DCPS: variants seen among roughly 807,000 people sequenced by gnomAD.
DCPS encodes decapping enzyme, scavenger.
Under a neutral mutation model 34.7 loss-of-function variants are expected in DCPS, and 27 were observed. The observed-to-expected ratio is 0.78, with a 90% CI of 0.57 to 1.07. The LOEUF (loss-of-function observed/expected upper bound fraction) is 1.07, where lower values mean the gene tolerates loss of function less well. DCPS is among the 50% of genes least tolerant of loss of function. DCPS has a pLI of 0.00. For synonymous variants in DCPS, 185 were observed against 185.7 expected, an observed-to-expected ratio of 1.00 and a Z score of 0.03; for missense variants, 464 against 436.9, an observed-to-expected ratio of 1.06 and a Z score of -0.55.
At position 126,328,099 on chromosome 11, in the gene DCPS, C is replaced by T. The variant is rs1951754163; in HGVS notation, c.377-3306C>T. On this transcript the variant is annotated intron_variant, in intron 2 of 5. Transcript: ENST00000263579. The surrounding 1 kb of genome is among the most constrained non-coding windows in gnomAD (Gnocchi z 6.6). ...GGCCGTGGGAGCGGCCAGGGCACGG[C>T]CTGGAGAGGAGCCCATGGCTGACGC... Among the ~76,000 whole-genome samples the T allele has an allele frequency of 2.0e-5, 3 of 152,178 alleles. No individual in the cohort carries two copies. The highest frequency in any genetic ancestry group is 6.5e-5 in the Admixed American group (1 of 15,290).
Position 126,345,599 on chromosome 11 carries a change from G to A in DCPS, c.1000G>A (p.Ala334Thr), listed in dbSNP as rs749537300. The change falls in exon 6 of 6, where the codon GCT becomes ACT. Residue 334 changes from alanine (A) to threonine (T), a missense_variant. Ala to Thr is a moderately conservative substitution (Grantham distance 58). Coordinates refer to ENST00000263579, the MANE Select transcript of DCPS (RefSeq NM_014026.6). This position sits in a 1 kb window ranked among gnomAD's most constrained non-coding sequence, Gnocchi z 7.4. ...CCCCCTGCTCAAGCTCTTGCAGGAG[G>A]CTCAGCAAAGCTGAATTAACTCAGG... ...DDPLLKLLQE[A>T]QQS 4 of 1,612,680 alleles carry A rather than the reference G, an allele frequency of 2.5e-6. No individual in the cohort carries two copies. Among genetic ancestry groups the A allele is most frequent in the South Asian group, 1.1e-5 (1 of 91,076 alleles).
At chr11:126,339,332 C>G (rs570334586) in intron 4 of DCPS, among the ~76,000 whole-genome samples, 19 of 152,202 alleles carry the variant, frequency 1.2e-4, no homozygotes, top group South Asian at 2.1e-4. Context: ...TTTCTGCACC[C>G]GTCAAAGGCT....
In DCPS at chr11:126,322,421, G is replaced by T. The variant is rs561110689; in HGVS notation, c.377-8984G>T. On this transcript the variant is annotated intron_variant, in intron 2 of 5. Transcript: ENST00000263579. The surrounding 1 kb of genome is among the most constrained non-coding windows in gnomAD (Gnocchi z 4.2). Reference sequence around the variant, plus strand: ...TGGGATTACAGGCGCACACCACCACGCCCGGCTCATTTTTGTATTTTTAGT... The same window carrying T: ...TGGGATTACAGGCGCACACCACCACTCCCGGCTCATTTTTGTATTTTTAGT... 6.6e-6 allele frequency among the ~76,000 whole-genome samples: 1 copy of T among 151,736 alleles called. No homozygotes were observed. Among genetic ancestry groups the T allele is most frequent in the African/African-American group, 2.4e-5 (1 of 41,266 alleles).
At position 126,346,867 on chromosome 11, in the gene DCPS, T is replaced by C. The variant is rs117571153; in HGVS notation, c.*1254T>C. On this transcript the variant is annotated 3_prime_UTR_variant, in exon 6 of 6. Coordinates refer to ENST00000263579, the MANE Select transcript of DCPS (RefSeq NM_014026.6). The surrounding 1 kb of genome is among the most constrained non-coding windows in gnomAD (Gnocchi z 4.1). The stretch of plus-strand genomic sequence containing the variant: ...CAGGGCCTGCTGTGGACCCCCATGG[T>C]CCTGGGAGAGACTCCTTAGAAACAG... Among the ~76,000 whole-genome samples the C allele has an allele frequency of 0.012, 1,881 of 152,040 alleles. 20 individuals are homozygous for C. Among genetic ancestry groups the C allele is most frequent in the Middle Eastern group, 0.034 (10 of 294 alleles).
In DCPS at chr11:126,348,512, C is replaced by T. The variant is rs1951958011; in HGVS notation, c.*2899C>T. The stretch of plus-strand genomic sequence containing the variant: ...GCCACGGCCCCCATGCAGCTCCCTC[C>T]CTCAATCCAACCCTCTTTGGGCTTA... On this transcript the variant is annotated 3_prime_UTR_variant, in exon 6 of 6. Transcript: ENST00000263579. The surrounding 1 kb of genome is among the most constrained non-coding windows in gnomAD (Gnocchi z 5.3). 6.6e-6 allele frequency among the ~76,000 whole-genome samples: 1 copy of T among 152,238 alleles called. No individual in the cohort carries two copies. The highest frequency in any genetic ancestry group is 1.5e-5 in the Non-Finnish European group (1 of 68,036).
chr11:126,341,214 A>T (rs1393097160), intron 4 of DCPS: 2 of 152,240 alleles, frequency 1.3e-5, no homozygotes, highest in Non-Finnish European at 2.9e-5. Context: ...CGCTCCAGCA[A>T]TTCTCTTTCT....
At chr11:126,308,875 T>C (rs1471476063) in intron 2 of DCPS, among the ~76,000 whole-genome samples, 1 of 152,158 alleles carries the variant, frequency 6.6e-6, no homozygotes, top group Non-Finnish European at 1.5e-5. Context: ...TCTGTTTCTA[T>C]TGTTTTTCCC....
chr11:126,334,485 A>AGGC lies in DCPS; in HGVS notation c.522+2937_522+2939dup, dbSNP rs1387083221. On this transcript the variant is annotated intron_variant, in intron 3 of 5. Transcript: ENST00000263579. The surrounding 1 kb of genome is among the most constrained non-coding windows in gnomAD (Gnocchi z 5.5). ...CACCCTCCCAAGTAGCTGGGATTAC[A>AGGC]GGCGCCCGCCACTATGCTGGGCTAA... Among the ~76,000 whole-genome samples the AGGC allele has an allele frequency of 2.0e-5, 3 of 151,908 alleles. No individual in the cohort carries two copies. Among genetic ancestry groups the AGGC allele is most frequent in the African/African-American group, 7.3e-5 (3 of 41,352 alleles).
chr11:126,324,375 T>C (rs1326020866), intron 2 of DCPS, among the ~76,000 whole-genome samples: 2 of 152,026 alleles, frequency 1.3e-5, no homozygotes, highest in African/African-American at 4.8e-5. Context: ...TTTATAATAA[T>C]AATAATGCCA....
chr11:126,339,687 C>G (rs1184294199), intron 4 of DCPS, among the ~76,000 whole-genome samples: 43 of 152,244 alleles, frequency 2.8e-4, no homozygotes. Context: ...GGGACGCCTG[C>G]ATCCACTCTG....
rs1591393493 is a variant in DCPS at position 126,343,419 on chromosome 11, T to G, written c.747+2T>G. The G allele has an allele frequency of 6.2e-7, 1 of 1,611,522 alleles. No homozygotes were observed. The highest frequency in any genetic ancestry group is 8.5e-7 in the Non-Finnish European group (1 of 1,178,652). On this transcript the variant is annotated splice_donor_variant, in intron 5 of 5. Transcript: ENST00000263579. LOFTEE classifies it high-confidence loss of function. ...AGGAACATCCTCCACCAGGGGCAGG[T>G]GAGTGGCTTCACCAAACCACGTGGA...
chr11:126,312,374 T>C lies in DCPS; in HGVS notation c.376+5630T>C, dbSNP rs1172837534. Among the ~76,000 whole-genome samples the C allele has an allele frequency of 6.6e-6, 1 of 152,090 alleles. No homozygotes were observed. Among genetic ancestry groups the C allele is most frequent in the East Asian group, 1.9e-4 (1 of 5,192 alleles). On this transcript the variant is annotated intron_variant, in intron 2 of 5. Transcript: ENST00000263579. This position sits in a 1 kb window ranked among gnomAD's most constrained non-coding sequence, Gnocchi z 5.1. ...TTATTTTTGGGGCAGAATCTCTCTC[T>C]GTCACCCAGGCTGGAGTGCAGTGGT...
In DCPS at chr11:126,323,912, C is replaced by T. The variant is rs240556; in HGVS notation, c.377-7493C>T. 0.2 allele frequency among the ~76,000 whole-genome samples: 31,120 copies of T among 152,084 alleles called. 3,369 individuals are homozygous for T. Among genetic ancestry groups the T allele is most frequent in the Non-Finnish European group, 0.24 (16,362 of 67,986 alleles). On this transcript the variant is annotated intron_variant, in intron 2 of 5. Transcript: ENST00000263579. This position sits in a 1 kb window ranked among gnomAD's most constrained non-coding sequence, Gnocchi z 4.4. ...GTGGCGCCATCTCGGCTCACCGCAA[C>T]CTCTACCTCCCAGGTTCAAGCGATT...
In DCPS at chr11:126,345,542, C is replaced by G; in HGVS notation, c.943C>G (p.Arg315Gly). The G allele has an allele frequency of 1.2e-6, 2 of 1,613,920 alleles. No individual in the cohort carries two copies. Among genetic ancestry groups the G allele is most frequent in the African/African-American group, 1.3e-5 (1 of 75,046 alleles). ...GTGTGACCCTAGGCACTACCAGCAGCGCACGCTCACCTTCGCCCTCAGGGC... is the reference window on the plus strand; with the variant it reads ...GTGTGACCCTAGGCACTACCAGCAGGGCACGCTCACCTTCGCCCTCAGGGC... Reference protein sequence around the residue: ...LECDPRHYQQRTLTFALRADD... With the variant: ...LECDPRHYQQGTLTFALRADD... The change falls in exon 6 of 6, where the codon CGC becomes GGC. Residue 315 changes from arginine to glycine, a missense_variant. Physicochemically the swap from Arg to Gly is moderately radical, Grantham distance 125. Transcript: ENST00000263579. This position sits in a 1 kb window ranked among gnomAD's most constrained non-coding sequence, Gnocchi z 7.4.
At position 126,349,813 on chromosome 11, in the gene DCPS, A is replaced by G. The variant is rs115057722; in HGVS notation, c.*4200A>G. The stretch of plus-strand genomic sequence containing the variant: ...AGTTGTTTTTAAAATAGCCTTGCTT[A>G]GCAAAATAAATGTTGGCAACCCTAA... On this transcript the variant is annotated 3_prime_UTR_variant, in exon 6 of 6. Transcript: ENST00000263579. This position sits in a 1 kb window ranked among gnomAD's most constrained non-coding sequence, Gnocchi z 5.4. Among the ~76,000 whole-genome samples the G allele has an allele frequency of 3.9e-3, 588 of 152,366 alleles. 2 individuals are homozygous for G. The highest frequency in any genetic ancestry group is 0.013 in the African/African-American group (550 of 41,582).
At position 126,337,918 on chromosome 11, in the gene DCPS, T is replaced by G. The variant is rs1328313081; in HGVS notation, c.523-368T>G. 2 of 223,750 alleles carry G rather than the reference T, an allele frequency of 8.9e-6. No individual in the cohort carries two copies. Among genetic ancestry groups the G allele is most frequent in the East Asian group, 2.1e-4 (2 of 9,412 alleles). 13.9% of individuals were successfully genotyped at this position (223,750 alleles called of 1,614,324 possible). On this transcript the variant is annotated intron_variant, in intron 3 of 5. Transcript: ENST00000263579. This position sits in a 1 kb window ranked among gnomAD's most constrained non-coding sequence, Gnocchi z 5.3. ...GGATCCATGGAGGCAGCTCTTCCCC[T>G]GAGTCCTGTGAGCGGTGGAGGGGGT...
At chr11:126,339,046 T>C (rs752174181) in intron 4 of DCPS, among the ~76,000 whole-genome samples, 1 of 152,232 alleles carries the variant, frequency 6.6e-6, no homozygotes, top group African/African-American at 2.4e-5. Flanking sequence ...AGTTATCACT[T>C]ACCACCACCT....
rs538765495 is a variant in DCPS at position 126,331,013 on chromosome 11, G to A, written c.377-392G>A. Among the ~76,000 whole-genome samples the A allele has an allele frequency of 1.3e-5, 2 of 152,150 alleles. No individual in the cohort carries two copies. The highest frequency in any genetic ancestry group is 3.9e-4 in the East Asian group (2 of 5,156). Reference sequence around the variant, plus strand: ...GGCCTCCCAAAGTGCTGGGATTACAGGCGTCAGCCACTGCGCCCGGCCTTT... The same window carrying A: ...GGCCTCCCAAAGTGCTGGGATTACAAGCGTCAGCCACTGCGCCCGGCCTTT... On this transcript the variant is annotated intron_variant, in intron 2 of 5. Transcript: ENST00000263579. The surrounding 1 kb of genome is among the most constrained non-coding windows in gnomAD (Gnocchi z 7.2).
chr11:126,306,874 G>C, intron 2 of DCPS, 130 bp downstream of exon 2: 1 of 1,115,924 alleles, frequency 9.0e-7, no homozygotes, highest in South Asian at 2.0e-5. Context: ...ACTTCCCTAG[G>C]GGACATTTGG....
Sources: allele counts gnomAD v4.1 joint callset (sites outside exome capture counted in the v4.1 genomes callset), GRCh38; gene constraint gnomAD v4.1.1; non-coding constraint Gnocchi (gnomAD v3.1); transcripts MANE v1.5; gene names NCBI Gene and HGNC (gene_info 2026-07-23, HGNC 2026-07-21).